The following UTRN variants were observed in gnomAD, a reference collection of about 807,000 sequenced individuals.
UTRN encodes dystrophin-related protein 1.
A neutral mutation model predicts 463.9 loss-of-function variants in UTRN; 283 were observed. The ratio of observed to expected loss-of-function variants is 0.61; its 90% CI spans 0.55 to 0.67. The LOEUF (loss-of-function observed/expected upper bound fraction) is 0.67, where lower values mean the gene tolerates loss of function less well. Among genes scored for constraint, UTRN ranks in the 30% least tolerant of loss-of-function variants. UTRN has a pLI of 0.00. For synonymous variants in UTRN, 1,442 were observed against 1,431.5 expected, an observed-to-expected ratio of 1.01 and a Z score of -0.17; for missense variants, 3,922 against 4,084.3, an observed-to-expected ratio of 0.96 and a Z score of 1.08.
chr6:144,595,190 A>G (rs567045249), intron 51 of UTRN, among the ~76,000 whole-genome samples: 5 of 152,362 alleles, frequency 3.3e-5, no homozygotes, highest in Admixed American at 2.0e-4. Context: ...GACAGTGGGA[A>G]TAATTTACAT....
intron 53 of UTRN, among the ~76,000 whole-genome samples, chr6:144,718,844 G>A (rs1269815825): frequency 2.0e-5 from 3 of 152,252 alleles, no homozygotes; most frequent in Middle Eastern, 3.2e-3. Context: ...TGGTGAGGGA[G>A]TGTGGTGAAT....
At chr6:144,567,188 T>C (rs1246507084) in intron 50 of UTRN, among the ~76,000 whole-genome samples, 2 of 151,994 alleles carry the variant, frequency 1.3e-5, no homozygotes, top group African/African-American at 4.8e-5. Context: ...CTATGGAAAC[T>C]GGTTTCAGTG....
intron 51 of UTRN, among the ~76,000 whole-genome samples, chr6:144,581,878 A>C (rs937081340): frequency 2.6e-5 from 4 of 152,172 alleles, no homozygotes; most frequent in Non-Finnish European, 5.9e-5. Flanking sequence ...CCCTCTGAAC[A>C]ATCACTAATC....
intron 2 of UTRN, among the ~76,000 whole-genome samples, chr6:144,356,682 G>A (rs1778575881): frequency 6.6e-6 from 1 of 152,062 alleles, no homozygotes; most frequent in Admixed American, 6.6e-5. Flanking sequence ...GTGTGGTGGC[G>A]AATGCCTGTA....
At position 144,732,265 on chromosome 6, in the gene UTRN, T is replaced by C. The variant is rs13210929; in HGVS notation, c.7939+1779T>C. The stretch of plus-strand genomic sequence containing the variant: ...ATATATATATATATATATACACACA[T>C]ATATATATATATACACACATATATA... On this transcript the variant is annotated intron_variant, in intron 54 of 74. Transcript: ENST00000367545. Among the ~76,000 whole-genome samples, 296 of 78,384 alleles carry C rather than the reference T, an allele frequency of 3.8e-3. 4 individuals carry two copies. In the East Asian group the frequency reaches 0.047, roughly 13 times the overall value. 51.4% of individuals were successfully genotyped at this position (78,384 alleles called of 152,430 possible). A position where few individuals can be genotyped will look rare whatever the true frequency, so the allele number is the denominator to read the frequency against.
intron 29 of UTRN, 102 bp from the exon 30 acceptor site, chr6:144,488,571 G>T: frequency 8.9e-7 from 1 of 1,127,370 alleles, no homozygotes. Context: ...CTAAAGTCTT[G>T]GATGAAAGCT....
At chr6:144,562,924 C>T (rs941048624) in intron 50 of UTRN, among the ~76,000 whole-genome samples, 5 of 152,094 alleles carry the variant, frequency 3.3e-5, no homozygotes, top group African/African-American at 1.2e-4. Flanking sequence ...TATCCCATTG[C>T]GGTTTTGATC....
intron 51 of UTRN, among the ~76,000 whole-genome samples, chr6:144,577,823 C>A (rs1562598155): frequency 2.0e-5 from 3 of 152,164 alleles, no homozygotes; most frequent in Admixed American, 2.0e-4. Context: ...CATTTATAAA[C>A]ATTATAAGGA....
intron 61 of UTRN, among the ~76,000 whole-genome samples, chr6:144,785,892 T>C (rs1295493607): frequency 1.3e-5 from 2 of 152,226 alleles, no homozygotes; most frequent in East Asian, 3.8e-4. Context: ...TCCTTCTGGA[T>C]TTAATGGAAA....
intron 35 of UTRN, among the ~76,000 whole-genome samples, chr6:144,512,848 C>CT (rs1795294318): frequency 6.6e-6 from 1 of 152,022 alleles, no homozygotes; most frequent in Non-Finnish European, 1.5e-5. Flanking sequence ...CCTACATTTT[C>CT]TTTTTTCAAC....
At chr6:144,774,707 T>A (rs1169895135) in intron 60 of UTRN, among the ~76,000 whole-genome samples, 3 of 152,220 alleles carry the variant, frequency 2.0e-5, no homozygotes, top group African/African-American at 7.2e-5. Context: ...CATTTGGCAA[T>A]GTAGAGTTCC....
intron 71 of UTRN, 140 bp from the exon 72 acceptor site, chr6:144,839,033 A>G: frequency 3.4e-6 from 2 of 587,878 alleles, no homozygotes; most frequent in South Asian, 5.3e-5. Context: ...TGATGCTAAA[A>G]TGTATGGAAA....
chr6:144,836,051 T>A (rs1781076369), intron 70 of UTRN, 113 bp downstream of exon 70: 5 of 1,493,544 alleles, frequency 3.3e-6, no homozygotes, highest in Non-Finnish European at 4.5e-6. Flanking sequence ...CTCAGTGGAG[T>A]GAAAATTTTA....
chr6:144,768,595 G>A (rs987244181), intron 58 of UTRN, among the ~76,000 whole-genome samples: 1 of 152,184 alleles, frequency 6.6e-6, no homozygotes, highest in Non-Finnish European at 1.5e-5. Flanking sequence ...TATTTATAGT[G>A]AGATTAGGGA....
intron 2 of UTRN, among the ~76,000 whole-genome samples, chr6:144,383,506 C>T (rs1419518674): frequency 6.6e-6 from 1 of 152,174 alleles, no homozygotes; most frequent in Non-Finnish European, 1.5e-5. Context: ...CTGGAGGAAG[C>T]AGAAAGGCCC....
chr6:144,770,318 T>C (rs1247029486), intron 58 of UTRN, among the ~76,000 whole-genome samples: 1 of 152,212 alleles, frequency 6.6e-6, no homozygotes, highest in Non-Finnish European at 1.5e-5. Flanking sequence ...TTTTGTTACC[T>C]GTGTATATAT....
chr6:144,460,001 A>ATTTT (rs11355493), intron 21 of UTRN, among the ~76,000 whole-genome samples: 1 of 132,850 alleles, frequency 7.5e-6, no homozygotes, highest in Non-Finnish European at 1.6e-5. Flanking sequence ...ATTTTTAAAG[A>ATTTT]TTTTTTTTTT....
At chr6:144,302,308 C>T (rs1259887591) in intron 2 of UTRN, among the ~76,000 whole-genome samples, 4 of 152,008 alleles carry the variant, frequency 2.6e-5, no homozygotes, top group African/African-American at 7.3e-5. Context: ...GTCAGGAGTT[C>T]GAGACCAGCC....
At chr6:144,793,734 T>A (rs1171791557) in intron 62 of UTRN, 100 bp from the exon 63 acceptor site, 1 of 1,436,800 alleles carries the variant, frequency 7.0e-7, no homozygotes, top group African/African-American at 1.4e-5. Context: ...CTTCTGAAAT[T>A]TTTTTAATCT....
Sources: allele counts gnomAD v4.1 joint callset (sites outside exome capture counted in the v4.1 genomes callset), GRCh38; gene constraint gnomAD v4.1.1; transcripts MANE v1.5; gene names NCBI Gene and HGNC (gene_info 2026-07-23, HGNC 2026-07-21).